CSNK1A1: variants seen among roughly 807,000 people sequenced by gnomAD.
CSNK1A1 encodes casein kinase 1 alpha 1, also known as casein kinase I isoform alpha.
In CSNK1A1, 7 loss-of-function variants were observed where a neutral mutation model predicts 46.1. The observed-to-expected ratio is 0.15, with a 90% CI of 0.09 to 0.29. The LOEUF is 0.29. CSNK1A1 is among the 10% of genes least tolerant of loss of function. CSNK1A1 has a pLI of 1.00. For missense variants in CSNK1A1, 96 were observed against 417.1 expected (o/e 0.23, Z 6.71); for synonymous variants, 137 against 141.5 (o/e 0.97, Z 0.23).
At chr5:149,542,631 T>TACAC (rs1762303488) in intron 2 of CSNK1A1, among the ~76,000 whole-genome samples, 2 of 12,526 alleles carry the variant, frequency 1.6e-4, no homozygotes, top group African/African-American at 1.1e-3. Flanking sequence ...TATATATATA[T>TACAC]ATATATATGT....
At chr5:149,531,396 G>A (rs1021401858) in intron 2 of CSNK1A1, among the ~76,000 whole-genome samples, 13 of 151,684 alleles carry the variant, frequency 8.6e-5, no homozygotes, top group Admixed American at 7.9e-4. Flanking sequence ...TAACATGCCT[G>A]TAATCCAGCT....
chr5:149,517,294 A>G lies in CSNK1A1; in HGVS notation c.456+2996T>C, dbSNP rs1453022834. Among the ~76,000 whole-genome samples, 2 of 152,208 alleles carry G rather than the reference A, an allele frequency of 1.3e-5. No individual in the cohort carries two copies. Among genetic ancestry groups the G allele is most frequent in the Non-Finnish European group, 1.5e-5 (1 of 68,024 alleles). On this transcript the variant is annotated intron_variant, in intron 4 of 9. Coordinates refer to ENST00000377843, the MANE Select transcript of CSNK1A1 (RefSeq NM_001892.6). The surrounding 1 kb of genome is among the most constrained non-coding windows in gnomAD (Gnocchi z 4.4). ...GAAGTTGAGAATACAGACTGAGGAA[A>G]TAAGTTCTAGAAACACTAGATCTGA... is the stretch of plus-strand genomic sequence containing the variant.
intron 9 of CSNK1A1, chr5:149,502,509 C>CTT (rs10565880): frequency 6.9e-5 from 3 of 43,192 alleles, no homozygotes; most frequent in Non-Finnish European, 9.4e-5. Flanking sequence ...GCGCCTGGCG[C>CTT]TTTTTTTTTT....
At position 149,550,658 on chromosome 5, in the gene CSNK1A1, T is replaced by C. The variant is rs1762629166; in HGVS notation, c.123+184A>G. ...GAAACTAGTTCCCCCAACCTTTCTA[T>C]CGGGTTCTTGACCCTTTTAGGGAGA... is the stretch of plus-strand genomic sequence containing the variant. On this transcript the variant is annotated intron_variant, in intron 1 of 9. Coordinates refer to ENST00000377843, the MANE Select transcript of CSNK1A1 (RefSeq NM_001892.6). The surrounding 1 kb of genome is among the most constrained non-coding windows in gnomAD (Gnocchi z 4.3). Among the ~76,000 whole-genome samples the C allele has an allele frequency of 6.6e-6, 1 of 151,738 alleles. No individual in the cohort carries two copies. Among genetic ancestry groups the C allele is most frequent in the Admixed American group, 6.6e-5 (1 of 15,250 alleles).
At chr5:149,542,592 T>TTATATATA (rs1160379269) in intron 2 of CSNK1A1, among the ~76,000 whole-genome samples, 3 of 26,702 alleles carry the variant, frequency 1.1e-4, no homozygotes, top group African/African-American at 3.8e-4. Flanking sequence ...AGATACAAAT[T>TTATATATA]TATATATATA....
At chr5:149,507,304 T>C (rs868542733) in intron 7 of CSNK1A1, among the ~76,000 whole-genome samples, 171 bp from the exon 8 acceptor site, 1 of 152,194 alleles carries the variant, frequency 6.6e-6, no homozygotes. Context: ...TAAATAAAAT[T>C]TCATGACCCT....
Position 149,550,745 on chromosome 5 carries a change from G to C in CSNK1A1, c.123+97C>G. ...CCTGGACTCCCTGGCGAGTGCGTGC[G>C]ATGAGGAGAGGCCCGAGCACTTTGG... On this transcript the variant is annotated intron_variant, in intron 1 of 9. Transcript: ENST00000377843. This position sits in a 1 kb window ranked among gnomAD's most constrained non-coding sequence, Gnocchi z 4.3. 1.3e-6 allele frequency: 2 copies of C among 1,539,630 alleles called. No homozygotes were observed. The highest frequency in any genetic ancestry group is 1.8e-6 in the Non-Finnish European group (2 of 1,131,352).
chr5:149,541,118 G>A (rs1762215086), intron 2 of CSNK1A1, among the ~76,000 whole-genome samples: 1 of 149,878 alleles, frequency 6.7e-6, no homozygotes, highest in South Asian at 2.1e-4. Context: ...ACTAAAACAT[G>A]CATTAGTTTA....
At chr5:149,549,987 G>C (rs2113213419) in intron 2 of CSNK1A1, 88 bp downstream of exon 2, 1 of 1,475,448 alleles carries the variant, frequency 6.8e-7, no homozygotes. Flanking sequence ...ACCAAGACCC[G>C]GATTCAGCTG....
At chr5:149,527,081 T>G (rs1474011631) in intron 2 of CSNK1A1, among the ~76,000 whole-genome samples, 3 of 151,934 alleles carry the variant, frequency 2.0e-5, no homozygotes, top group Non-Finnish European at 4.4e-5. Context: ...CTAGAGGTCT[T>G]GCCCACTAGG....
At chr5:149,544,067 T>C (rs915211090) in intron 2 of CSNK1A1, among the ~76,000 whole-genome samples, 2 of 152,176 alleles carry the variant, frequency 1.3e-5, no homozygotes, top group Non-Finnish European at 2.9e-5. Context: ...ATGAGGCCAG[T>C]GACACTTTTA....
At chr5:149,504,226 C>T (rs538538058) in intron 9 of CSNK1A1, 1 of 985,326 alleles carries the variant, frequency 1.0e-6, no homozygotes, top group Non-Finnish European at 1.2e-6. Context: ...ACTTTGAATC[C>T]TTCCCAAATA....
At chr5:149,501,225 G>A in intron 9 of CSNK1A1, 1 of 985,176 alleles carries the variant, frequency 1.0e-6, no homozygotes, top group Non-Finnish European at 1.2e-6. Context: ...CGCATTTCCT[G>A]TTGGGTTATT....
chr5:149,534,553 AT>A (rs1238738308), intron 2 of CSNK1A1, among the ~76,000 whole-genome samples: 17 of 151,176 alleles, frequency 1.1e-4, no homozygotes, highest in Admixed American at 1.1e-3. Flanking sequence ...ATTTTGAAAG[AT>A]GCCTGGATTA....
chr5:149,523,771 T>C (rs1292763338), intron 3 of CSNK1A1, among the ~76,000 whole-genome samples: 1 of 152,228 alleles, frequency 6.6e-6, no homozygotes. Flanking sequence ...CAAATCAGGG[T>C]AGTTGGGATA....
At chr5:149,522,356 C>A (rs1761599775) in intron 3 of CSNK1A1, among the ~76,000 whole-genome samples, 1 of 152,190 alleles carries the variant, frequency 6.6e-6, no homozygotes, top group African/African-American at 2.4e-5. Flanking sequence ...AGTGATCCTC[C>A]TGCTTCTGCC....
At chr5:149,544,053 A>G (rs1019427479) in intron 2 of CSNK1A1, among the ~76,000 whole-genome samples, 1 of 152,212 alleles carries the variant, frequency 6.6e-6, no homozygotes, top group East Asian at 1.9e-4. Flanking sequence ...AGTCCTTAGG[A>G]TCAATGAGGC....
Position 149,498,304 on chromosome 5 carries a change from T to A in CSNK1A1, c.1007-1444A>T, listed in dbSNP as rs898190110. On this transcript the variant is annotated intron_variant, in intron 9 of 9. Coordinates refer to ENST00000377843, the MANE Select transcript of CSNK1A1 (RefSeq NM_001892.6). ...AGATCTTTGTTGCCTGGGTACTAAG[T>A]CCATAAGCACCAAATGCCAAAAATG... The A allele has an allele frequency of 3.0e-6, 3 of 985,220 alleles. No individual in the cohort carries two copies. In the African/African-American group the frequency reaches 5.2e-5, roughly 17 times the overall value. 61.0% of individuals were successfully genotyped at this position (985,220 alleles called of 1,614,324 possible).
At chr5:149,524,737 A>T (rs1561762655) in intron 3 of CSNK1A1, among the ~76,000 whole-genome samples, 1 of 152,200 alleles carries the variant, frequency 6.6e-6, no homozygotes, top group East Asian at 1.9e-4. Context: ...ATCAACAATT[A>T]TATGCATACA....
Sources: allele counts gnomAD v4.1 joint callset (sites outside exome capture counted in the v4.1 genomes callset), GRCh38; gene constraint gnomAD v4.1.1; non-coding constraint Gnocchi (gnomAD v3.1); transcripts MANE v1.5; gene names NCBI Gene and HGNC (gene_info 2026-07-23, HGNC 2026-07-21).